KAT7: variants seen among roughly 807,000 people sequenced by gnomAD.
KAT7 encodes the protein histone acetyltransferase KAT7.
Under a neutral mutation model 82.1 loss-of-function variants are expected in KAT7, and 10 were observed. That is an observed-to-expected ratio of 0.12 (90% CI 0.08 to 0.21). KAT7 has a LOEUF of 0.21. Among genes scored for constraint, KAT7 ranks in the 10% least tolerant of loss-of-function variants. The pLI, the probability that KAT7 is intolerant of heterozygous loss-of-function variation, is 1.00. For missense variants in KAT7, 378 were observed against 760.9 expected (o/e 0.50, Z 5.92); for synonymous variants, 250 against 262.5 (o/e 0.95, Z 0.46).
At chr17:49,825,971 A>G in intron 12 of KAT7, 29 bp from the exon 13 acceptor site, 1 of 1,591,028 alleles carries the variant, frequency 6.3e-7, no homozygotes, top group African/African-American at 1.3e-5. Context: ...GAGTGTTGCT[A>G]GAAAAAGTCT....
rs903931354 is a variant in KAT7 at position 49,829,810 on chromosome 17, T to G, written c.*2308T>G. 8.5e-5 allele frequency: 13 copies of G among 152,138 alleles called. No homozygotes were observed. Among genetic ancestry groups the G allele is most frequent in the Non-Finnish European group, 1.8e-4 (12 of 68,044 alleles). The allele number at this position is 152,138 out of a possible 1,614,324, so 9.4% of individuals were successfully genotyped here. Reference sequence around the variant, plus strand: ...AAAATAAAAGGATTTATTATCTCATTTAAACCCCCACAGGTGTGGAAACAG... The same window carrying G: ...AAAATAAAAGGATTTATTATCTCATGTAAACCCCCACAGGTGTGGAAACAG... On this transcript the variant is annotated 3_prime_UTR_variant, in exon 15 of 15. Transcript: ENST00000259021.
chr17:49,814,359 G>C (rs2074207592), intron 7 of KAT7, among the ~76,000 whole-genome samples: 1 of 152,212 alleles, frequency 6.6e-6, no homozygotes, highest in Non-Finnish European at 1.5e-5. Context: ...TAGGGTACCA[G>C]ATTGTTTGCT....
intron 8 of KAT7, 132 bp from the exon 9 acceptor site, chr17:49,817,688 A>G: frequency 1.5e-6 from 1 of 645,936 alleles, no homozygotes; most frequent in Non-Finnish European, 2.7e-6. Flanking sequence ...GCTGGTCTCG[A>G]ACTCCTGGCC....
chr17:49,809,284 G>A, intron 6 of KAT7, 76 bp downstream of exon 6: 1 of 1,048,246 alleles, frequency 9.5e-7, no homozygotes, highest in Non-Finnish European at 1.5e-6. Context: ...ATTGTCTTCA[G>A]GCATGTCTGT....
chr17:49,826,207 T>C, intron 13 of KAT7, 61 bp downstream of exon 13: 1 of 1,509,912 alleles, frequency 6.6e-7, no homozygotes, highest in Non-Finnish European at 9.2e-7. Flanking sequence ...CTACTGGGTA[T>C]TGTGTTTCCC....
intron 13 of KAT7, chr17:49,826,427 A>C: frequency 2.0e-6 from 1 of 501,676 alleles, no homozygotes; most frequent in African/African-American, 1.9e-5. Flanking sequence ...ATCCCTGTGT[A>C]TTTATGCAAG....
chr17:49,822,066 A>G (rs2143974108), intron 11 of KAT7, among the ~76,000 whole-genome samples: 1 of 152,296 alleles, frequency 6.6e-6, no homozygotes, highest in South Asian at 2.1e-4. Flanking sequence ...GTAACTCACA[A>G]GCCCACATCT....
Position 49,833,962 on chromosome 17 carries a change from TC to T in KAT7, c.*6462del, listed in dbSNP as rs2074443493. 2.0e-5 allele frequency: 3 copies of T among 152,192 alleles called. No homozygotes were observed. In the South Asian group the frequency reaches 6.2e-4, roughly 32 times the overall value. The allele number at this position is 152,192 out of a possible 1,614,324, so 9.4% of individuals were successfully genotyped here. ...GAGGAAGGCTACCACCTTGTGCAAT[TC>T]CAGGGGACACTGTTTATGTTCCGTG... On this transcript the variant is annotated 3_prime_UTR_variant, in exon 15 of 15. Transcript: ENST00000259021.
chr17:49,798,277 A>G (rs373467956), intron 3 of KAT7, 42 bp from the exon 4 acceptor site: 136 of 1,590,968 alleles, frequency 8.5e-5, no homozygotes, highest in Non-Finnish European at 1.1e-4. Context: ...TTCTAAATAA[A>G]TGAACTCCAC....
At chr17:49,801,834 A>G (rs2074028638) in intron 4 of KAT7, among the ~76,000 whole-genome samples, 1 of 151,850 alleles carries the variant, frequency 6.6e-6, no homozygotes, top group Non-Finnish European at 1.5e-5. Context: ...AGTTTTATGT[A>G]CTTGTGAAAA....
chr17:49,817,974 A>C lies in KAT7; in HGVS notation c.1118A>C (p.Lys373Thr). ...GRLYMCEFCL[K>T]YMKSQTILRR... is the part of the protein sequence containing the mutation. ...CTCTATATGTGTGAATTCTGTTTAAAATATATGAAGAGCCAAACGATACTC... is the reference window on the plus strand; with the variant it reads ...CTCTATATGTGTGAATTCTGTTTAACATATATGAAGAGCCAAACGATACTC... Residue 373 changes from lysine (K) to threonine (T), a missense_variant, in exon 9 of 15, where the codon AAA (lysine) becomes ACA (threonine). Around this residue, in one of 6 missense-constraint regions of KAT7, gnomAD observed 37 missense variants for 98.6 expected, o/e 0.38. Transcript: ENST00000259021. The C allele has an allele frequency of 6.2e-7, 1 of 1,613,978 alleles. No individual in the cohort carries two copies. The highest frequency in any genetic ancestry group is 8.5e-7 in the Non-Finnish European group (1 of 1,179,862).
At position 49,798,374 on chromosome 17, in the gene KAT7, T is replaced by C. The variant is rs1039634716; in HGVS notation, c.396T>C (p.Asn132=). 2 of 1,614,236 alleles carry C rather than the reference T, an allele frequency of 1.2e-6. No individual in the cohort carries two copies. The highest frequency in any genetic ancestry group is 1.7e-6 in the Non-Finnish European group (2 of 1,180,030). ...CACCGCCTCGAACTCCAACTGGAAA[T>C]GCGCCTTCTTCTGAGTCTGACATAG... The part of the protein sequence containing the change: ...DESPPRTPTG[N]APSSESDIDI... The change falls in exon 4 of 15, where the codon AAT becomes AAC. Residue 132 remains asparagine, a synonymous_variant. Transcript: ENST00000259021.
At chr17:49,817,701 A>T in intron 8 of KAT7, 119 bp from the exon 9 acceptor site, 1 of 727,738 alleles carries the variant, frequency 1.4e-6, no homozygotes, top group Non-Finnish European at 2.3e-6. Flanking sequence ...TCCTGGCCTT[A>T]AGTGACCTGC....
chr17:49,800,232 C>T lies in KAT7; in HGVS notation c.580+1674C>T, dbSNP rs544778422. On this transcript the variant is annotated intron_variant, in intron 4 of 14. Coordinates refer to ENST00000259021, the MANE Select transcript of KAT7 (RefSeq NM_007067.5). ...TTCACCGTGTTAGCCAGGATGGTCT[C>T]GATCTCCTGACCTCGTGATCCGCCC... is the stretch of plus-strand genomic sequence containing the variant. 2.4e-4 allele frequency among the ~76,000 whole-genome samples: 36 copies of T among 152,100 alleles called. No individual in the cohort carries two copies. The East Asian group carries it at 6.6e-3, about 28-fold the overall frequency.
At chr17:49,823,644 A>C in intron 12 of KAT7, 1 of 209,552 alleles carries the variant, frequency 4.8e-6, no homozygotes, top group South Asian at 8.6e-5. Flanking sequence ...ACTTGTCTAG[A>C]GGTAATCCAT....
Position 49,788,683 on chromosome 17 carries a change from A to C in KAT7, c.-152A>C. 1.3e-6 allele frequency: 1 copy of C among 797,736 alleles called. No individual in the cohort carries two copies. 49.4% of individuals were successfully genotyped at this position (797,736 alleles called of 1,614,324 possible). ...GCGCTTCAGCCCGCGGCGCCTGCGC[A>C]GAACGCTCCAGACGCTGAGAGGCAG... On this transcript the variant is annotated 5_prime_UTR_variant, in exon 1 of 15. Coordinates refer to ENST00000259021, the MANE Select transcript of KAT7 (RefSeq NM_007067.5).
intron 12 of KAT7, 177 bp downstream of exon 12, chr17:49,823,472 G>A: frequency 1.8e-6 from 1 of 562,108 alleles, no homozygotes; most frequent in South Asian, 2.0e-5. Context: ...AATACACATT[G>A]AACATTGAAG....
Position 49,805,493 on chromosome 17 carries a change from G to T in KAT7, c.663+48G>T, listed in dbSNP as rs147937913. The T allele has an allele frequency of 2.9e-6, 4 of 1,394,024 alleles. No homozygotes were observed. The African/African-American group carries it at 5.7e-5, about 20-fold the overall frequency. The allele number at this position is 1,394,024 out of a possible 1,614,324, so 86.4% of individuals were successfully genotyped here. ...AACACATGCTTATTGAGTGCTTACC[G>T]TTTGCCAGGCACTTTGCTGAACACT... On this transcript the variant is annotated intron_variant, in intron 5 of 14. Transcript: ENST00000259021.
intron 9 of KAT7, among the ~76,000 whole-genome samples, chr17:49,819,494 T>G (rs1352408106): frequency 6.6e-6 from 1 of 152,224 alleles, no homozygotes; most frequent in South Asian, 2.1e-4. Context: ...TTTATGCCTT[T>G]TTTCCTTTTC....
Sources: gnomAD v4.1 joint callset for allele counts (sites outside exome capture counted in the v4.1 genomes callset) on GRCh38, gnomAD v4.1.1 for gene constraint, gnomAD v4.1.1 regional missense constraint, MANE v1.5 for transcripts, NCBI Gene and HGNC (gene_info 2026-07-23, HGNC 2026-07-21) for gene names.